The following TTC39B variants were observed in gnomAD, a reference collection of about 807,000 sequenced individuals.
TTC39B encodes tetratricopeptide repeat domain 39B, also known as tetratricopeptide repeat protein 39B.
Under a neutral mutation model 96.6 loss-of-function variants are expected in TTC39B, and 92 were observed. That is an observed-to-expected ratio of 0.95 (90% confidence interval 0.80 to 1.13). TTC39B has a LOEUF of 1.13. Ranked by LOEUF, TTC39B falls within the 50% of genes most tolerant of loss-of-function variation. The pLI is 0.00. For missense variants in TTC39B, 955 were observed against 809.3 expected (o/e 1.18, Z -2.18); for synonymous variants, 367 against 299.4 (o/e 1.23, Z -2.33).
intron 2 of TTC39B, among the ~76,000 whole-genome samples, chr9:15,229,511 C>T (rs139535432): frequency 1.2e-4 from 18 of 152,280 alleles, no homozygotes; most frequent in East Asian, 5.8e-4. Context: ...ATTACCTTGC[C>T]GGAGGTTAAC....
intron 19 of TTC39B, among the ~76,000 whole-genome samples, chr9:15,172,366 T>C (rs1817709093): frequency 6.6e-6 from 1 of 152,098 alleles, no homozygotes; most frequent in Non-Finnish European, 1.5e-5. Flanking sequence ...AATTACCAAA[T>C]CATTCACAAG....
chr9:15,225,350 G>T (rs185802135), intron 3 of TTC39B, among the ~76,000 whole-genome samples: 3 of 151,992 alleles, frequency 2.0e-5, no homozygotes, highest in Non-Finnish European at 4.4e-5. Context: ...CATTCTCTTT[G>T]TGCTTTCTAT....
intron 2 of TTC39B, among the ~76,000 whole-genome samples, chr9:15,257,456 AT>A (rs145142279): frequency 5.3e-5 from 8 of 150,046 alleles, no homozygotes; most frequent in Non-Finnish European, 8.9e-5. Flanking sequence ...CATATTAAAA[AT>A]TTTTTTTTTG....
At position 15,192,792 on chromosome 9, in the gene TTC39B, C is replaced by A. The variant is rs1045582430; in HGVS notation, c.825-97G>T. 6 of 803,164 alleles carry A rather than the reference C, an allele frequency of 7.5e-6. No individual in the cohort carries two copies. In the East Asian group the frequency reaches 1.6e-4, roughly 22 times the overall value. The allele number at this position is 803,164 out of a possible 1,614,324, so 49.8% of individuals were successfully genotyped here. A position where few individuals can be genotyped will look rare whatever the true frequency, so the allele number is the denominator to read the frequency against. ...CACTTATGTGCTATAAAATAAATGT[C>A]ATTAATTAAAATACCATCAAAATTT... On this transcript the variant is annotated intron_variant, in intron 8 of 19. Transcript: ENST00000512701.
At chr9:15,204,982 C>A (rs574705194) in intron 6 of TTC39B, among the ~76,000 whole-genome samples, 1 of 152,260 alleles carries the variant, frequency 6.6e-6, no homozygotes, top group Admixed American at 6.5e-5. Context: ...TTGCTCTATC[C>A]ATGGGATGCA....
At chr9:15,209,560 G>A (rs935307490) in intron 6 of TTC39B, among the ~76,000 whole-genome samples, 1 of 152,182 alleles carries the variant, frequency 6.6e-6, no homozygotes, top group Non-Finnish European at 1.5e-5. Context: ...TATAAATATT[G>A]TAAGTTTTCA....
At chr9:15,273,726 C>G (rs1368865281) in intron 1 of TTC39B, among the ~76,000 whole-genome samples, 2 of 152,216 alleles carry the variant, frequency 1.3e-5, no homozygotes, top group Non-Finnish European at 2.9e-5. Context: ...ACCCAACATT[C>G]CATTCCACTG....
intron 1 of TTC39B, among the ~76,000 whole-genome samples, chr9:15,285,713 G>T (rs1823947631): frequency 6.6e-6 from 1 of 152,062 alleles, no homozygotes; most frequent in Non-Finnish European, 1.5e-5. Context: ...AAATTAGCCG[G>T]GCTTGGTGGC....
exon 12 of TTC39B, chr9:15,189,746 G>T: frequency 6.2e-7 from 1 of 1,613,868 alleles, no homozygotes; most frequent in Non-Finnish European, 8.5e-7. Flanking sequence ...GCTGGAGGAA[G>T]GGTGCCAGGA....
intron 1 of TTC39B, among the ~76,000 whole-genome samples, chr9:15,275,057 C>G (rs1823489194): frequency 6.7e-6 from 1 of 149,012 alleles, no homozygotes; most frequent in South Asian, 2.1e-4. Flanking sequence ...TTTTTTTTTC[C>G]TGAGATGGAG....
intron 17 of TTC39B, among the ~76,000 whole-genome samples, chr9:15,181,120 A>C (rs544178481): frequency 6.6e-6 from 1 of 152,090 alleles, no homozygotes; most frequent in Non-Finnish European, 1.5e-5. Flanking sequence ...CCCCCAACCA[A>C]TGGGGGGCTG....
chr9:15,172,072 G>A (rs1427611971), exon 20 of TTC39B: 6 of 1,612,790 alleles, frequency 3.7e-6, no homozygotes, highest in Admixed American at 1.7e-5. Context: ...ATTCTGAAGT[G>A]TAGTCTGGAC....
exon 5 of TTC39B, chr9:15,211,383 A>C (rs1434355870): frequency 6.4e-7 from 1 of 1,565,784 alleles, no homozygotes; most frequent in Non-Finnish European, 8.6e-7. Context: ...GGCATGGTAC[A>C]TACTCTCCTT....
At chr9:15,291,230 A>G (rs1324812403) in intron 1 of TTC39B, among the ~76,000 whole-genome samples, 1 of 151,950 alleles carries the variant, frequency 6.6e-6, no homozygotes, top group Non-Finnish European at 1.5e-5. Flanking sequence ...ATCTCCCACA[A>G]CTCCCATGCG....
intron 1 of TTC39B, among the ~76,000 whole-genome samples, chr9:15,283,921 T>C (rs1461913110): frequency 6.6e-6 from 1 of 152,086 alleles, no homozygotes; most frequent in Non-Finnish European, 1.5e-5. Context: ...ACAGGGACAG[T>C]CTTTCTAAGC....
At chr9:15,238,869 C>T (rs977072510) in intron 2 of TTC39B, among the ~76,000 whole-genome samples, 1 of 152,130 alleles carries the variant, frequency 6.6e-6, no homozygotes, top group African/African-American at 2.4e-5. Context: ...GCCTGTAGTC[C>T]TAGCAACTAA....
chr9:15,241,650 T>A (rs553899445), intron 2 of TTC39B, among the ~76,000 whole-genome samples: 2 of 152,188 alleles, frequency 1.3e-5, no homozygotes, highest in South Asian at 4.1e-4. Context: ...CAACAGAATA[T>A]GAATCCTGAT....
intron 1 of TTC39B, among the ~76,000 whole-genome samples, chr9:15,293,773 G>C (rs1047711464): frequency 6.6e-6 from 1 of 152,204 alleles, no homozygotes; most frequent in African/African-American, 2.4e-5. Flanking sequence ...TACATCGTGA[G>C]CTACAAGTGG....
intron 17 of TTC39B, among the ~76,000 whole-genome samples, chr9:15,178,480 C>T (rs781267207): frequency 3.3e-5 from 5 of 152,098 alleles, no homozygotes; most frequent in Admixed American, 6.5e-5. Context: ...GAGATAGAGG[C>T]AGGAAGATCA....
Sources: allele counts gnomAD v4.1 joint callset (sites outside exome capture counted in the v4.1 genomes callset), GRCh38; gene constraint gnomAD v4.1.1; transcripts MANE v1.5; gene names NCBI Gene and HGNC (gene_info 2026-07-23, HGNC 2026-07-21).